The following FBXO11 variants were observed in gnomAD, a reference collection of about 807,000 sequenced individuals.
FBXO11 encodes F-box only protein 11.
FBXO11 carries 13 observed loss-of-function variants against 117.0 expected under a neutral mutation model. That is an observed-to-expected ratio of 0.11 (90% CI 0.07 to 0.18). FBXO11 has a LOEUF of 0.18. FBXO11 is among the 10% of genes least tolerant of loss of function. The probability of loss-of-function intolerance (pLI) is 1.00; values close to 1 mark genes in which losing one functional copy is unlikely to be tolerated. For missense variants in FBXO11, 767 were observed against 1,164.4 expected (o/e 0.66, Z 4.97); for synonymous variants, 490 against 380.5 (o/e 1.29, Z -3.35).
chr2:47,818,560 G>A, intron 16 of FBXO11: 2 of 456,306 alleles, frequency 4.4e-6, no homozygotes. Flanking sequence ...CAGAACGGTG[G>A]AAGTGAGCTC....
intron 1 of FBXO11, among the ~76,000 whole-genome samples, chr2:47,875,433 T>C (rs1341888587): frequency 6.6e-6 from 1 of 151,862 alleles, no homozygotes; most frequent in Non-Finnish European, 1.5e-5. Flanking sequence ...GTGAGAAAAC[T>C]GAAAAATGAC....
chr2:47,830,987 C>A (rs747398783), intron 11 of FBXO11, among the ~76,000 whole-genome samples: 44 of 152,020 alleles, frequency 2.9e-4, no homozygotes, highest in Non-Finnish European at 3.8e-4. Flanking sequence ...TTTGTAGAGA[C>A]AGAGTTTCAC....
intron 11 of FBXO11, among the ~76,000 whole-genome samples, chr2:47,828,552 T>C (rs754301434): frequency 6.7e-6 from 1 of 150,282 alleles, no homozygotes; most frequent in Non-Finnish European, 1.5e-5. Flanking sequence ...GAGGTTGCAG[T>C]GAGCCGCGAT....
chr2:47,877,748 G>A (rs954758225), intron 1 of FBXO11, among the ~76,000 whole-genome samples: 2 of 152,104 alleles, frequency 1.3e-5, no homozygotes, highest in African/African-American at 2.4e-5. Context: ...GCAGTGGTGC[G>A]ATCTTGGCTC....
chr2:47,830,231 C>CAA (rs1483514843), intron 11 of FBXO11, among the ~76,000 whole-genome samples: 4 of 152,116 alleles, frequency 2.6e-5, no homozygotes, highest in Non-Finnish European at 4.4e-5. Flanking sequence ...AATGTGATCT[C>CAA]AGAGTTCTCA....
At chr2:47,850,253 G>C (rs77810882) in intron 1 of FBXO11, among the ~76,000 whole-genome samples, 2,865 of 152,268 alleles carry the variant, frequency 0.019, 34 homozygotes, top group Non-Finnish European at 0.03. Flanking sequence ...AGTGACTTTG[G>C]AGATTGAAGG....
In FBXO11 at chr2:47,837,344, T is replaced by C. The variant is rs562301308; in HGVS notation, c.588-1343A>G. ...GAGTTCAAGACCAGCCTAGCCAACATGGTGAAACCCTGTCTCTACTAAAAA... is the reference window on the plus strand; with the variant it reads ...GAGTTCAAGACCAGCCTAGCCAACACGGTGAAACCCTGTCTCTACTAAAAA... On this transcript the variant is annotated intron_variant, in intron 4 of 22. Transcript: ENST00000403359. 1.4e-4 allele frequency among the ~76,000 whole-genome samples: 21 copies of C among 152,212 alleles called. No homozygotes were observed. The South Asian group carries it at 4.4e-3, about 32-fold the overall frequency.
intron 1 of FBXO11, among the ~76,000 whole-genome samples, chr2:47,853,725 T>C (rs1674060709): frequency 6.6e-6 from 1 of 152,212 alleles, no homozygotes. Flanking sequence ...AGACTGATAA[T>C]ACTTAACAGT....
Position 47,810,306 on chromosome 2 carries a change from A to G in FBXO11, c.2338+10T>C. 1 of 1,567,022 alleles carries G rather than the reference A, an allele frequency of 6.4e-7. No homozygotes were observed. Among genetic ancestry groups the G allele is most frequent in the East Asian group, 2.3e-5 (1 of 44,400 alleles). On this transcript the variant is annotated intron_variant, in intron 19 of 22. Transcript: ENST00000403359. Reference sequence around the variant, plus strand: ...TATATAAGCCACAGGTAAGAAAAGAAAATACAAACCTGCGGCAAATCCATC... The same window carrying G: ...TATATAAGCCACAGGTAAGAAAAGAGAATACAAACCTGCGGCAAATCCATC...
intron 1 of FBXO11, among the ~76,000 whole-genome samples, chr2:47,880,449 G>T (rs1349097553): frequency 6.6e-6 from 1 of 151,938 alleles, no homozygotes; most frequent in Non-Finnish European, 1.5e-5. Context: ...CATTTTTTCA[G>T]TTTTCCTGGC....
At chr2:47,881,984 G>C (rs1180337706) in intron 1 of FBXO11, among the ~76,000 whole-genome samples, 1 of 152,286 alleles carries the variant, frequency 6.6e-6, no homozygotes, top group Non-Finnish European at 1.5e-5. Flanking sequence ...CTGGCCTCAA[G>C]TGATCTGCCT....
chr2:47,883,568 G>A, intron 1 of FBXO11: 1 of 345,902 alleles, frequency 2.9e-6, no homozygotes, highest in Non-Finnish European at 5.8e-6. Flanking sequence ...AAATTCGTCT[G>A]GATCGGCAAA....
chr2:47,881,255 A>G (rs1370157671), intron 1 of FBXO11, among the ~76,000 whole-genome samples: 2 of 152,226 alleles, frequency 1.3e-5, no homozygotes, highest in Non-Finnish European at 2.9e-5. Context: ...CTGTCTCAAA[A>G]AAAGAAAGAA....
chr2:47,898,509 C>T (rs960331318), intron 1 of FBXO11, among the ~76,000 whole-genome samples: 2 of 152,104 alleles, frequency 1.3e-5, no homozygotes, highest in African/African-American at 4.8e-5. Flanking sequence ...CAGTTAATAC[C>T]CTTTATTCAT....
At chr2:47,868,461 T>TA (rs764975213) in intron 1 of FBXO11, among the ~76,000 whole-genome samples, 113 of 152,286 alleles carry the variant, frequency 7.4e-4, no homozygotes, top group Non-Finnish European at 1.4e-3. Context: ...TCATGTACTT[T>TA]ATTTTTGAGA....
intron 1 of FBXO11, among the ~76,000 whole-genome samples, chr2:47,882,066 T>C (rs1196748024): frequency 6.6e-6 from 1 of 152,082 alleles, no homozygotes; most frequent in African/African-American, 2.4e-5. Context: ...AGTCTTTATG[T>C]CTATATATAA....
intron 7 of FBXO11, among the ~76,000 whole-genome samples, chr2:47,833,325 A>G (rs1418331469): frequency 6.6e-6 from 1 of 152,240 alleles, no homozygotes; most frequent in African/African-American, 2.4e-5. Flanking sequence ...TGTGGAAACA[A>G]AAACAAAAAA....
chr2:47,840,557 C>T (rs1672939441), intron 1 of FBXO11, among the ~76,000 whole-genome samples: 1 of 149,954 alleles, frequency 6.7e-6, no homozygotes. Flanking sequence ...CTCAAGCAAT[C>T]CTCCTGCCTC....
chr2:47,894,437 G>C (rs949813117), intron 1 of FBXO11, among the ~76,000 whole-genome samples: 1 of 152,164 alleles, frequency 6.6e-6, no homozygotes, highest in Admixed American at 6.5e-5. Flanking sequence ...TAAGAAACAG[G>C]TTCCAAACTT....
Sources: gnomAD v4.1 joint callset for allele counts (sites outside exome capture counted in the v4.1 genomes callset) on GRCh38, gnomAD v4.1.1 for gene constraint, MANE v1.5 for transcripts, NCBI Gene and HGNC (gene_info 2026-07-23, HGNC 2026-07-21) for gene names.